Variants in GDPD5 observed in about 807,000 individuals in gnomAD.
The protein encoded by GDPD5 is glycerophosphodiester phosphodiesterase 2.
GDPD5 carries 48 observed loss-of-function variants against 75.1 expected under a neutral mutation model. That is an observed-to-expected ratio of 0.64 (90% CI 0.51 to 0.81). The LOEUF (loss-of-function observed/expected upper bound fraction) is 0.81. GDPD5 is among the 40% of genes least tolerant of loss of function. GDPD5 has a pLI of 0.00. For synonymous variants in GDPD5, 336 were observed against 339.0 expected (o/e 0.99, Z 0.10); for missense variants, 706 against 822.6 (o/e 0.86, Z 1.73).
In GDPD5 at chr11:75,525,414, CGCTGTTCCAA is replaced by C. The variant is rs1462725005; in HGVS notation, c.-359_-350del. The stretch of plus-strand genomic sequence containing the variant: ...CCGGCCAGGGCTTCCCGGGCGCTCG[CGCTGTTCCAA>C]GCTGTTCCAACTGAAGGTTGGGGTC... On this transcript the variant is annotated 5_prime_UTR_variant, in exon 1 of 17. Transcript: ENST00000336898. The C allele has an allele frequency of 1.3e-5, 2 of 152,236 alleles. No individual in the cohort carries two copies. Among genetic ancestry groups the C allele is most frequent in the Non-Finnish European group, 2.9e-5 (2 of 68,076 alleles). The allele number at this position is 152,236 out of a possible 1,614,324, so 9.4% of individuals were successfully genotyped here. A position where few individuals can be genotyped will look rare whatever the true frequency, so the allele number is the denominator to read the frequency against.
chr11:75,451,471 G>A (rs1949151354), intron 6 of GDPD5: 1 of 152,398 alleles, frequency 6.6e-6, no homozygotes, highest in African/African-American at 2.4e-5. Context: ...GGCAGAACCA[G>A]AAACGAACAC....
At chr11:75,440,681 G>A (rs1001428752) in intron 14 of GDPD5, among the ~76,000 whole-genome samples, 3 of 152,030 alleles carry the variant, frequency 2.0e-5, no homozygotes, top group Non-Finnish European at 2.9e-5. Flanking sequence ...TCAGCCTACC[G>A]AGTAGCTAGG....
chr11:75,448,512 A>G (rs1270556646), intron 9 of GDPD5: 1 of 986,622 alleles, frequency 1.0e-6, no homozygotes, highest in Non-Finnish European at 1.2e-6. Flanking sequence ...CTGCAGGGCT[A>G]TGGAGTGCAC....
intron 3 of GDPD5, among the ~76,000 whole-genome samples, chr11:75,472,526 G>A (rs1345477957): frequency 1.3e-5 from 2 of 152,052 alleles, no homozygotes; most frequent in South Asian, 2.1e-4. Flanking sequence ...CTCTGGCTGA[G>A]GCAGCACCCT....
intron 9 of GDPD5, among the ~76,000 whole-genome samples, chr11:75,446,409 C>A (rs1948988678): frequency 6.6e-6 from 1 of 152,146 alleles, no homozygotes; most frequent in Non-Finnish European, 1.5e-5. Context: ...AGAGCTCGCA[C>A]CTGCCTCAGG....
chr11:75,481,732 T>C (rs1420298196), intron 2 of GDPD5, among the ~76,000 whole-genome samples: 1 of 152,076 alleles, frequency 6.6e-6, no homozygotes, highest in African/African-American at 2.4e-5. Flanking sequence ...GTGCACTCCC[T>C]AGACAGGGTT....
chr11:75,499,774 C>T (rs1950273230), intron 1 of GDPD5, among the ~76,000 whole-genome samples: 1 of 152,128 alleles, frequency 6.6e-6, no homozygotes, highest in Non-Finnish European at 1.5e-5. Flanking sequence ...GGAAGCAGGC[C>T]ATCCACGTCC....
At chr11:75,449,758 C>T (rs1228895242) in intron 7 of GDPD5, 127 bp downstream of exon 7, 1 of 1,242,928 alleles carries the variant, frequency 8.0e-7, no homozygotes, top group Non-Finnish European at 1.2e-6. Flanking sequence ...CCCTGGTGTC[C>T]TCCCTAGTTC....
At chr11:75,459,227 T>G (rs1280488144) in intron 4 of GDPD5, among the ~76,000 whole-genome samples, 1 of 152,228 alleles carries the variant, frequency 6.6e-6, no homozygotes, top group Admixed American at 6.5e-5. Flanking sequence ...TTCTTCACAA[T>G]TATAAATTAA....
intron 1 of GDPD5, among the ~76,000 whole-genome samples, chr11:75,496,767 TTTTC>T (rs200451435): frequency 2.3e-5 from 3 of 129,008 alleles, no homozygotes; most frequent in Non-Finnish European, 3.2e-5. Flanking sequence ...TTTTTTTTTC[TTTTC>T]TTTCTTTCTT....
chr11:75,493,810 TC>T (rs1465877446), intron 1 of GDPD5, among the ~76,000 whole-genome samples: 1 of 152,206 alleles, frequency 6.6e-6, no homozygotes, highest in Non-Finnish European at 1.5e-5. Context: ...TTGCTGTGCA[TC>T]CTTTATTTTG....
chr11:75,449,149 C>A, intron 8 of GDPD5, 27 bp from the exon 9 acceptor site: 1 of 1,551,426 alleles, frequency 6.4e-7, no homozygotes, highest in East Asian at 2.4e-5. Context: ...GTGAGTGCTG[C>A]CTGGTGAGCC....
intron 1 of GDPD5, among the ~76,000 whole-genome samples, chr11:75,508,556 T>A (rs756246128): frequency 7.2e-5 from 11 of 152,350 alleles, no homozygotes; most frequent in Middle Eastern, 3.4e-3. Flanking sequence ...CTGCTTGGTC[T>A]TTTTAAGACA....
chr11:75,471,485 G>A (rs1787120458), intron 3 of GDPD5, among the ~76,000 whole-genome samples: 1 of 152,196 alleles, frequency 6.6e-6, no homozygotes. Flanking sequence ...GCAGGAGAAT[G>A]CAATTAAGTC....
At chr11:75,519,154 TGA>T (rs1202840548) in intron 1 of GDPD5, among the ~76,000 whole-genome samples, 1 of 152,040 alleles carries the variant, frequency 6.6e-6, no homozygotes, top group African/African-American at 2.4e-5. Flanking sequence ...TGGTGGGAAG[TGA>T]GAGGCCTGTG....
chr11:75,459,094 C>A (rs990770306), intron 4 of GDPD5, among the ~76,000 whole-genome samples: 1 of 152,154 alleles, frequency 6.6e-6, no homozygotes, highest in African/African-American at 2.4e-5. Context: ...TCAACACAAG[C>A]ATTTACTTAT....
intron 1 of GDPD5, among the ~76,000 whole-genome samples, chr11:75,513,855 T>G (rs11606662): frequency 0.13 from 19,933 of 152,214 alleles, 1,473 homozygotes; most frequent in East Asian, 0.23. Context: ...GACTCTCCTG[T>G]GCTCCACTCC....
intron 15 of GDPD5, chr11:75,439,285 A>G: frequency 2.2e-6 from 1 of 454,514 alleles, no homozygotes; most frequent in Non-Finnish European, 4.4e-6. Context: ...TGGAGAAGGG[A>G]TGGCAAGAGG....
rs1278238816 is a variant in GDPD5, at chr11:75,441,201, G to A, written c.1435C>T (p.His479Tyr). The change falls in exon 14 of 17, where the codon CAC becomes TAC. Residue 479 changes from histidine (H) to tyrosine (Y), a missense_variant. Physicochemically the swap from His to Tyr is moderately conservative, Grantham distance 83 (BLOSUM62 2). Transcript: ENST00000336898. Reference protein sequence around the residue: ...GVPSVTSDNSHALSQVPSPLW... With the variant: ...GVPSVTSDNSYALSQVPSPLW... ...GGGGAAGGCACCTGGGACAGGGCGT[G>A]GGAGTTGTCAGAGGTGACGGATGGG... 1 of 1,613,894 alleles carries A rather than the reference G, an allele frequency of 6.2e-7. No homozygotes were observed. The highest frequency in any genetic ancestry group is 1.3e-5 in the African/African-American group (1 of 74,940).
Sources: allele counts gnomAD v4.1 joint callset (sites outside exome capture counted in the v4.1 genomes callset), GRCh38; gene constraint gnomAD v4.1.1; transcripts MANE v1.5; gene names NCBI Gene and HGNC (gene_info 2026-07-23, HGNC 2026-07-21).